GRIA4: variants seen among roughly 807,000 people sequenced by gnomAD.
The protein encoded by GRIA4 is glutamate ionotropic receptor AMPA type subunit 4.
In GRIA4, 34 loss-of-function variants were observed where a neutral mutation model predicts 104.0. The ratio of observed to expected loss-of-function variants is 0.33; its 90% CI spans 0.25 to 0.44. GRIA4 has a LOEUF of 0.44. Ranked by LOEUF, GRIA4 falls within the 20% of genes least tolerant of loss-of-function variation. GRIA4 has a pLI of 1.00. For missense variants in GRIA4, 750 were observed against 1,096.5 expected, an observed-to-expected ratio of 0.68 and a Z score of 4.46; for synonymous variants, 386 against 381.9, an observed-to-expected ratio of 1.01 and a Z score of -0.13.
At chr11:105,832,417 G>A (rs957360038) in intron 4 of GRIA4, among the ~76,000 whole-genome samples, 3 of 151,644 alleles carry the variant, frequency 2.0e-5, no homozygotes, top group Non-Finnish European at 4.4e-5. Flanking sequence ...CATCTAGGAT[G>A]ACTTTAAATA....
intron 4 of GRIA4, among the ~76,000 whole-genome samples, chr11:105,853,163 A>G (rs1944880998): frequency 6.6e-6 from 1 of 152,172 alleles, no homozygotes; most frequent in South Asian, 2.1e-4. Flanking sequence ...GCTATCTTGC[A>G]CCCTCAATTA....
intron 5 of GRIA4, among the ~76,000 whole-genome samples, chr11:105,886,617 A>G (rs1946271745): frequency 6.6e-6 from 1 of 151,844 alleles, no homozygotes; most frequent in Non-Finnish European, 1.5e-5. Context: ...AATTATTTTT[A>G]TGGGATAATA....
chr11:105,837,291 C>T (rs1368926123), intron 4 of GRIA4, among the ~76,000 whole-genome samples: 1 of 152,050 alleles, frequency 6.6e-6, no homozygotes, highest in African/African-American at 2.4e-5. Flanking sequence ...AACCATATCA[C>T]AGTAGGATGG....
intron 4 of GRIA4, among the ~76,000 whole-genome samples, chr11:105,802,900 A>G (rs1419316673): frequency 6.6e-6 from 1 of 151,824 alleles, no homozygotes; most frequent in African/African-American, 2.4e-5. Flanking sequence ...GTAATATTTT[A>G]TACACATATG....
At chr11:105,888,233 A>G (rs1237007398) in intron 6 of GRIA4, among the ~76,000 whole-genome samples, 1 of 146,336 alleles carries the variant, frequency 6.8e-6, no homozygotes, top group East Asian at 2.0e-4. Flanking sequence ...CCTGATTCCC[A>G]AAGTGATTTA....
chr11:105,796,193 A>C (rs1028312966), intron 4 of GRIA4, among the ~76,000 whole-genome samples: 5 of 152,186 alleles, frequency 3.3e-5, no homozygotes, highest in Admixed American at 3.3e-4. Context: ...GATTCCATCC[A>C]ACTTATCCAT....
chr11:105,888,993 A>C (rs958131920), intron 6 of GRIA4, among the ~76,000 whole-genome samples: 15 of 152,152 alleles, frequency 9.9e-5, no homozygotes, highest in Non-Finnish European at 2.1e-4. Context: ...AGAGAAAAAA[A>C]CTTAGGATTA....
At chr11:105,970,190 T>C (rs1356083844) in intron 14 of GRIA4, among the ~76,000 whole-genome samples, 4 of 152,178 alleles carry the variant, frequency 2.6e-5, no homozygotes, top group South Asian at 4.1e-4. Context: ...ATGGCAAATA[T>C]ATATTACTTC....
chr11:105,911,504 G>A (rs1222161337), intron 10 of GRIA4, among the ~76,000 whole-genome samples: 1 of 151,524 alleles, frequency 6.6e-6, no homozygotes, highest in Admixed American at 6.6e-5. Context: ...ATGTAATTTA[G>A]TTTTTAGCTT....
chr11:105,694,544 T>C (rs1953202969), intron 3 of GRIA4, among the ~76,000 whole-genome samples: 1 of 152,088 alleles, frequency 6.6e-6, no homozygotes. Context: ...TAAATATTAT[T>C]AATTATTTTA....
chr11:105,779,516 T>C (rs1941616210), intron 4 of GRIA4, among the ~76,000 whole-genome samples: 2 of 152,138 alleles, frequency 1.3e-5, no homozygotes, highest in Non-Finnish European at 2.9e-5. Flanking sequence ...CGGTGTTTGG[T>C]TTTTTGTTCT....
At chr11:105,677,153 A>G (rs1226767362) in intron 3 of GRIA4, among the ~76,000 whole-genome samples, 1 of 151,838 alleles carries the variant, frequency 6.6e-6, no homozygotes, top group East Asian at 1.9e-4. Context: ...CAAGTGATCC[A>G]TTTTTTAAAA....
intron 3 of GRIA4, among the ~76,000 whole-genome samples, chr11:105,652,036 G>A (rs1345653693): frequency 6.6e-6 from 1 of 151,996 alleles, no homozygotes; most frequent in East Asian, 1.9e-4. Context: ...ACACTTATCA[G>A]GCATAAAGAC....
chr11:105,759,960 A>G (rs1286674847), intron 4 of GRIA4, among the ~76,000 whole-genome samples: 1 of 135,954 alleles, frequency 7.4e-6, no homozygotes, highest in African/African-American at 2.6e-5. Context: ...GCCCCCATAC[A>G]GTCACACTTA....
chr11:105,775,737 A>G (rs1941418917), intron 4 of GRIA4, among the ~76,000 whole-genome samples: 2 of 152,098 alleles, frequency 1.3e-5, no homozygotes, highest in Non-Finnish European at 2.9e-5. Flanking sequence ...CTTATATTAA[A>G]TAGTTAAAAA....
intron 3 of GRIA4, among the ~76,000 whole-genome samples, chr11:105,697,306 G>GA (rs1301711146): frequency 3.3e-5 from 5 of 152,066 alleles, no homozygotes; most frequent in South Asian, 2.1e-4. Context: ...TTTCTCTCCA[G>GA]AAAAAAAGCC....
At chr11:105,861,888 T>C in intron 4 of GRIA4, 136 bp from the exon 5 acceptor site, 1 of 615,510 alleles carries the variant, frequency 1.6e-6, no homozygotes, top group Non-Finnish European at 2.9e-6. Context: ...TATTCAGAAA[T>C]AACCACACAG....
At chr11:105,663,692 AG>A (rs1444812458) in intron 3 of GRIA4, among the ~76,000 whole-genome samples, 2 of 151,930 alleles carry the variant, frequency 1.3e-5, no homozygotes, top group African/African-American at 4.8e-5. Flanking sequence ...AGAAGAACAT[AG>A]AGAAATAAAC....
chr11:105,734,706 A>G (rs1938822181), intron 3 of GRIA4, among the ~76,000 whole-genome samples: 2 of 152,256 alleles, frequency 1.3e-5, no homozygotes, highest in South Asian at 4.1e-4. Context: ...TCTTTATAGC[A>G]CTTTGCAATT....
Sources: gnomAD v4.1 joint callset for allele counts (sites outside exome capture counted in the v4.1 genomes callset) on GRCh38, gnomAD v4.1.1 for gene constraint, MANE v1.5 for transcripts, NCBI Gene and HGNC (gene_info 2026-07-23, HGNC 2026-07-21) for gene names.